ENTREP2: variants seen among roughly 807,000 people sequenced by gnomAD.
ENTREP2 encodes the protein protein ENTREP2.
At chr15:29,649,160 CAG>C in the ENTREP2 span, among the ~76,000 whole-genome samples, 1 of 151,498 alleles carries the variant, frequency 6.6e-6, no homozygotes, top group African/African-American at 2.4e-5. Flanking sequence ...CTGACCTCAT[CAG>C]AGAGGCCTAA....
chr15:29,525,562 A>C, the ENTREP2 span, among the ~76,000 whole-genome samples: 1 of 152,260 alleles, frequency 6.6e-6, no homozygotes, highest in African/African-American at 2.4e-5. Context: ...AGGCAATTAA[A>C]GGGGCTAAAC....
chr15:29,586,226 C>T, the ENTREP2 span, among the ~76,000 whole-genome samples: 1 of 151,842 alleles, frequency 6.6e-6, no homozygotes, highest in East Asian at 1.9e-4. Context: ...CAAAAGGCCA[C>T]GATTCTATTG....
the ENTREP2 span, chr15:29,269,703 C>T: frequency 1.3e-6 from 2 of 1,535,470 alleles, no homozygotes; most frequent in Non-Finnish European, 1.7e-6. Flanking sequence ...GTTTTTGCAA[C>T]ATGTCTCCGG....
the ENTREP2 span, among the ~76,000 whole-genome samples, chr15:29,369,251 T>A: frequency 9.2e-5 from 14 of 152,214 alleles, no homozygotes; most frequent in African/African-American, 3.4e-4. Context: ...CTGAGTAGAA[T>A]AAACTCAAAG....
chr15:29,500,990 C>T, the ENTREP2 span, among the ~76,000 whole-genome samples: 4 of 152,040 alleles, frequency 2.6e-5, no homozygotes, highest in South Asian at 8.3e-4. Context: ...CTTAGAAACA[C>T]ACGATCTACC....
the ENTREP2 span, among the ~76,000 whole-genome samples, chr15:29,339,082 C>G: frequency 6.6e-6 from 1 of 152,212 alleles, no homozygotes; most frequent in Admixed American, 6.5e-5. Context: ...GACTCACCAG[C>G]TCTACTGCAA....
the ENTREP2 span, among the ~76,000 whole-genome samples, chr15:29,572,545 CTTT>C: frequency 2.0e-4 from 29 of 144,032 alleles, no homozygotes; most frequent in East Asian, 6.0e-4. Context: ...AATCATAAGG[CTTT>C]TTTTTTTTTT....
the ENTREP2 span, among the ~76,000 whole-genome samples, chr15:29,145,881 T>C: frequency 6.6e-6 from 1 of 152,118 alleles, no homozygotes; most frequent in African/African-American, 2.4e-5. Flanking sequence ...TGATTTCTAT[T>C]TGCAGGTGAC....
the ENTREP2 span, among the ~76,000 whole-genome samples, chr15:29,328,128 A>T: frequency 6.6e-6 from 1 of 152,250 alleles, no homozygotes; most frequent in Non-Finnish European, 1.5e-5. Flanking sequence ...TCCAGCCATA[A>T]AACAATATGG....
chr15:29,376,443 AAGAAC>A, the ENTREP2 span: 9 of 152,150 alleles, frequency 5.9e-5, no homozygotes, highest in African/African-American at 2.2e-4. Flanking sequence ...AGAAGACACT[AAGAAC>A]AGATTTAAAA....
At chr15:29,662,216 A>G in the ENTREP2 span, among the ~76,000 whole-genome samples, 2 of 143,594 alleles carry the variant, frequency 1.4e-5, no homozygotes, top group Non-Finnish European at 3.0e-5. Context: ...TGTCGCAAAA[A>G]AAAAAAAAAA....
At chr15:29,599,071 T>C in the ENTREP2 span, among the ~76,000 whole-genome samples, 1 of 152,238 alleles carries the variant, frequency 6.6e-6, no homozygotes, top group Non-Finnish European at 1.5e-5. Context: ...TTCATCCTTT[T>C]AGAACATGTT....
At chr15:29,510,631 C>T in the ENTREP2 span, among the ~76,000 whole-genome samples, 1 of 151,804 alleles carries the variant, frequency 6.6e-6, no homozygotes, top group Admixed American at 6.6e-5. Context: ...CGATGAAACC[C>T]CATCTCTACT....
the ENTREP2 span, among the ~76,000 whole-genome samples, chr15:29,194,816 G>A: frequency 3.3e-5 from 5 of 152,164 alleles, no homozygotes; most frequent in Non-Finnish European, 5.9e-5. Flanking sequence ...GAGTGAAGGC[G>A]TTCAAGGGGG....
At chr15:29,558,204 G>A in the ENTREP2 span, among the ~76,000 whole-genome samples, 2,267 of 152,238 alleles carry the variant, frequency 0.015, 60 homozygotes, top group African/African-American at 0.053. Context: ...AGAAAGAGGT[G>A]TGAGGGCACT....
the ENTREP2 span, among the ~76,000 whole-genome samples, chr15:29,503,668 A>C: frequency 6.6e-6 from 1 of 152,236 alleles, no homozygotes; most frequent in Non-Finnish European, 1.5e-5. Flanking sequence ...GAGCAAGTAA[A>C]GCTAAATATC....
chr15:29,363,452 C>A, the ENTREP2 span, among the ~76,000 whole-genome samples: 20 of 152,252 alleles, frequency 1.3e-4, no homozygotes, highest in East Asian at 1.5e-3. Context: ...GACTGAATTT[C>A]TGATGGGCAC....
At chr15:29,357,987 G>A in the ENTREP2 span, among the ~76,000 whole-genome samples, 2 of 152,024 alleles carry the variant, frequency 1.3e-5, no homozygotes, top group Non-Finnish European at 2.9e-5. Context: ...GAACACTTGG[G>A]GCACCTACAT....
At chr15:29,127,217 G>C in the ENTREP2 span, among the ~76,000 whole-genome samples, 6 of 152,166 alleles carry the variant, frequency 3.9e-5, no homozygotes, top group Non-Finnish European at 7.4e-5. Flanking sequence ...CTGGATCGGA[G>C]TCTGTTTTAA....
Sources: gnomAD v4.1 joint callset for allele counts (sites outside exome capture counted in the v4.1 genomes callset) on GRCh38, gnomAD v4.1.1 for gene constraint, MANE v1.5 for transcripts, NCBI Gene and HGNC (gene_info 2026-07-23, HGNC 2026-07-21) for gene names.